CEP43: variants seen among roughly 807,000 people sequenced by gnomAD.
CEP43 encodes the protein centrosomal protein 43.
Under a neutral mutation model 52.6 loss-of-function variants are expected in CEP43, and 36 were observed. The ratio of observed to expected loss-of-function variants is 0.68; its 90% CI spans 0.52 to 0.90. CEP43 has a LOEUF of 0.90. Among genes scored for constraint, CEP43 ranks in the 40% least tolerant of loss-of-function variants. The pLI, the probability that CEP43 is intolerant of heterozygous loss-of-function variation, is 0.00. For missense variants in CEP43, 506 were observed against 472.8 expected, an observed-to-expected ratio of 1.07 and a Z score of -0.65; for synonymous variants, 192 against 172.4, an observed-to-expected ratio of 1.11 and a Z score of -0.89.
chr6:167,046,654 C>G lies in CEP43; in HGVS notation c.*6676C>G, dbSNP rs1271613284. The G allele has an allele frequency of 6.6e-6, 1 of 152,322 alleles. No homozygotes were observed. Among genetic ancestry groups the G allele is most frequent in the East Asian group, 1.9e-4 (1 of 5,198 alleles). 9.4% of individuals were successfully genotyped at this position (152,322 alleles called of 1,614,324 possible). On this transcript the variant is annotated 3_prime_UTR_variant, in exon 13 of 13. Coordinates refer to ENST00000366847, the MANE Select transcript of CEP43 (RefSeq NM_007045.4). ...CATCCTGTGATGTGCCACCACATCC[C>G]TTTTCAGTGAAGGGCTTTGTTGGCT... is the stretch of plus-strand genomic sequence containing the variant.
chr6:167,036,484 G>C, intron 12 of CEP43: 1 of 985,452 alleles, frequency 1.0e-6, no homozygotes, highest in Non-Finnish European at 1.2e-6. Context: ...GTAGATGTTG[G>C]AGGAAGAGGG....
At position 167,044,445 on chromosome 6, in the gene CEP43, C is replaced by T. The variant is rs1780761445; in HGVS notation, c.*4467C>T. ...GACAAGATGCGCCAGGAGACTTGGC[C>T]AGAGGACCTCCAGGCTGACAAAGTT... On this transcript the variant is annotated 3_prime_UTR_variant, in exon 13 of 13. Transcript: ENST00000366847. 9.1e-6 allele frequency: 9 copies of T among 985,232 alleles called. No homozygotes were observed. The highest frequency in any genetic ancestry group is 1.1e-5 in the Non-Finnish European group (9 of 829,848). The allele number at this position is 985,232 out of a possible 1,614,324, so 61.0% of individuals were successfully genotyped here. A position where few individuals can be genotyped will look rare whatever the true frequency, so the allele number is the denominator to read the frequency against.
At chr6:167,015,058 T>C (rs1161049147) in intron 7 of CEP43, among the ~76,000 whole-genome samples, 1 of 152,244 alleles carries the variant, frequency 6.6e-6, no homozygotes, top group Non-Finnish European at 1.5e-5. Context: ...TTTCACTTTG[T>C]GTGATGTGAA....
At chr6:167,033,099 CTTTTTTTTT>C (rs71032896) in intron 11 of CEP43, among the ~76,000 whole-genome samples, 12 of 68,354 alleles carry the variant, frequency 1.8e-4, no homozygotes, top group South Asian at 1.7e-3. Flanking sequence ...TTGCCATTCT[CTTTTTTTTT>C]TTTTTTTTTT....
chr6:167,024,267 A>G (rs192173860), intron 8 of CEP43, among the ~76,000 whole-genome samples: 51 of 152,316 alleles, frequency 3.3e-4, no homozygotes, highest in African/African-American at 8.7e-4. Context: ...TGGAGAAAGC[A>G]TGAAATCTTT....
At position 167,026,587 on chromosome 6, in the gene CEP43, C is replaced by G; in HGVS notation, c.960C>G (p.Ile320Met). 6.3e-7 allele frequency: 1 copy of G among 1,598,968 alleles called. No homozygotes were observed. The highest frequency in any genetic ancestry group is 8.6e-7 in the Non-Finnish European group (1 of 1,166,312). ...CAGTTTTGAAAGATCTGAAATTGAT[C>G]AGTGATAAAATTGGATCACTTGGAT... ...GNTVLKDLKL[I>M]SDKIGSLGLG... Residue 320 changes from isoleucine (I) to methionine (M), a missense_variant, in exon 10 of 13, where the codon ATC becomes ATG. Transcript: ENST00000366847.
chr6:167,042,289 A>C lies in CEP43; in HGVS notation c.*2311A>C. 1.0e-6 allele frequency: 1 copy of C among 1,002,440 alleles called. No homozygotes were observed. The highest frequency in any genetic ancestry group is 1.2e-6 in the Non-Finnish European group (1 of 837,948). 62.1% of individuals were successfully genotyped at this position (1,002,440 alleles called of 1,614,324 possible). The stretch of plus-strand genomic sequence containing the variant: ...TTTTCTGTTAAAAAATAAATATTGA[A>C]ATATTAACCCATTAAATACATTTTT... On this transcript the variant is annotated 3_prime_UTR_variant, in exon 13 of 13. Coordinates refer to ENST00000366847, the MANE Select transcript of CEP43 (RefSeq NM_007045.4).
In CEP43 at chr6:167,000,137, A is replaced by T; in HGVS notation, c.156+24A>T. The T allele has an allele frequency of 1.9e-6, 3 of 1,561,506 alleles. No homozygotes were observed. The South Asian group carries it at 3.4e-5, about 18-fold the overall frequency. On this transcript the variant is annotated intron_variant, in intron 2 of 12. Coordinates refer to ENST00000366847, the MANE Select transcript of CEP43 (RefSeq NM_007045.4). ...AGGTATGAAGTTTCCAGATTTTAACATGGCTGTATTCGTTAATACTTAATT... is the reference window on the plus strand; with the variant it reads ...AGGTATGAAGTTTCCAGATTTTAACTTGGCTGTATTCGTTAATACTTAATT...
At chr6:167,010,673 A>G (rs1779964493) in intron 5 of CEP43, 140 bp from the exon 6 acceptor site, 2 of 460,370 alleles carry the variant, frequency 4.3e-6, no homozygotes, top group African/African-American at 2.0e-5. Context: ...AGGAAAATCT[A>G]AAAAGGATGG....
Position 167,013,540 on chromosome 6 carries a change from G to A in CEP43, c.552G>A (p.Lys184=). ...GGTATAAAGGACAAGGTAAGAAGAA[G>A]ACAAGCGGGCAGAAGGCTGGTGACA... The part of the protein sequence containing the change: ...IPRYKGQGKK[K]TSGQKAGDKK... The change falls in exon 7 of 13, where the codon AAG becomes AAA. Residue 184 remains lysine (K), a synonymous_variant. Coordinates refer to ENST00000366847, the MANE Select transcript of CEP43 (RefSeq NM_007045.4). 1 of 1,613,800 alleles carries A rather than the reference G, an allele frequency of 6.2e-7. No individual in the cohort carries two copies. Among genetic ancestry groups the A allele is most frequent in the Non-Finnish European group, 8.5e-7 (1 of 1,179,752 alleles).
chr6:167,025,319 A>C (rs2128665046), intron 9 of CEP43: 1 of 154,016 alleles, frequency 6.5e-6, no homozygotes, highest in African/African-American at 2.4e-5. Flanking sequence ...ATCATTTTCA[A>C]GAACAGTGAC....
chr6:167,042,199 G>C lies in CEP43; in HGVS notation c.*2221G>C, dbSNP rs1036699611. ...AGCTTTCTTTTCACATGTACTTTTT[G>C]ATTAGGTATTATCAACTTATGAAAC... On this transcript the variant is annotated 3_prime_UTR_variant, in exon 13 of 13. Transcript: ENST00000366847. 39 of 1,006,506 alleles carry C rather than the reference G, an allele frequency of 3.9e-5. No individual in the cohort carries two copies. The highest frequency in any genetic ancestry group is 4.6e-5 in the Non-Finnish European group (39 of 841,484). The allele number at this position is 1,006,506 out of a possible 1,614,324, so 62.3% of individuals were successfully genotyped here.
At chr6:167,000,629 A>G (rs1779713454) in intron 2 of CEP43, among the ~76,000 whole-genome samples, 1 of 152,252 alleles carries the variant, frequency 6.6e-6, no homozygotes, top group Admixed American at 6.5e-5. Context: ...GAATTTGTCA[A>G]CAAGAATAGA....
chr6:167,039,933 A>G lies in CEP43; in HGVS notation c.1155A>G (p.Val385=). ...KLDDLTQDLT[V]SQLSDVADYL... ...ATGACCTCACACAAGATCTGACTGTATCCCAGCTCAGTGATGTTGCGGATT... is the reference window on the plus strand; with the variant it reads ...ATGACCTCACACAAGATCTGACTGTGTCCCAGCTCAGTGATGTTGCGGATT... Residue 385 remains valine (V), a synonymous_variant, in exon 13 of 13, where the codon GTA becomes GTG. Coordinates refer to ENST00000366847, the MANE Select transcript of CEP43 (RefSeq NM_007045.4). 1.2e-6 allele frequency: 2 copies of G among 1,613,838 alleles called. No homozygotes were observed.
intron 9 of CEP43, among the ~76,000 whole-genome samples, chr6:167,026,015 G>A (rs991617612): frequency 6.6e-6 from 1 of 152,122 alleles, no homozygotes; most frequent in African/African-American, 2.4e-5. Context: ...CTTATAATGA[G>A]GCAAAAAATG....
rs368773714 is a variant in CEP43, at chr6:167,006,019, A to T, written c.438+1618A>T. Among the ~76,000 whole-genome samples, 288 of 152,294 alleles carry T rather than the reference A, an allele frequency of 1.9e-3. 1 individual carries two copies. Among genetic ancestry groups the T allele is most frequent in the African/African-American group, 6.8e-3 (282 of 41,550 alleles). On this transcript the variant is annotated intron_variant, in intron 5 of 12. Transcript: ENST00000366847. Reference sequence around the variant, plus strand: ...TGAAACCCCAGCTCTGCTACATTCTAGCTCTGTGAGCCTGCAGTCACTCAG... The same window carrying T: ...TGAAACCCCAGCTCTGCTACATTCTTGCTCTGTGAGCCTGCAGTCACTCAG...
chr6:167,010,929 A>T, intron 6 of CEP43, 36 bp downstream of exon 6: 1 of 1,297,308 alleles, frequency 7.7e-7, no homozygotes, highest in Non-Finnish European at 1.1e-6. Flanking sequence ...TCATGTCTGG[A>T]CTTAACTCCA....
At chr6:167,000,759 C>T (rs1310352612) in intron 2 of CEP43, among the ~76,000 whole-genome samples, 2 of 152,198 alleles carry the variant, frequency 1.3e-5, no homozygotes, top group African/African-American at 4.8e-5. Context: ...TTGCCCTTTC[C>T]ATGTCTGTGC....
intron 12 of CEP43, chr6:167,036,864 A>G (rs553870132): frequency 1.9e-4 from 127 of 680,224 alleles, no homozygotes; most frequent in Admixed American, 1.5e-3. Flanking sequence ...CTGGAGTGCA[A>G]TGGCTGGATC....
Sources: allele counts gnomAD v4.1 joint callset (sites outside exome capture counted in the v4.1 genomes callset), GRCh38; gene constraint gnomAD v4.1.1; transcripts MANE v1.5; gene names NCBI Gene and HGNC (gene_info 2026-07-23, HGNC 2026-07-21).